MYO10: variants seen among roughly 807,000 people sequenced by gnomAD.
The protein encoded by MYO10 is myosin X, also known as unconventional myosin-X.
In MYO10, 133 loss-of-function variants were observed where a neutral mutation model predicts 257.3. The observed-to-expected ratio is 0.52, with a 90% CI of 0.45 to 0.60. The LOEUF (loss-of-function observed/expected upper bound fraction) is 0.60. MYO10 is among the 20% of genes least tolerant of loss of function. The probability of loss-of-function intolerance (pLI) is 0.00; values close to 1 mark genes in which losing one functional copy is unlikely to be tolerated. For synonymous variants in MYO10, 1,104 were observed against 1,028.6 expected (o/e 1.07, Z -1.40); for missense variants, 2,399 against 2,635.7 (o/e 0.91, Z 1.97).
In MYO10 at chr5:16,672,838, C is replaced by G; in HGVS notation, c.5173-13G>C. The G allele has an allele frequency of 1.1e-5, 18 of 1,611,080 alleles. No homozygotes were observed. The highest frequency in any genetic ancestry group is 1.5e-5 in the Non-Finnish European group (18 of 1,178,584). On this transcript the variant is annotated splice_polypyrimidine_tract_variant and intron_variant, in intron 36 of 40. Coordinates refer to ENST00000513610, the MANE Select transcript of MYO10 (RefSeq NM_012334.3). ...GCTTCTCCACCACCTGGAAGACACACCAGGGGGACTTCAGTTCCACAGGCT... is the reference window on the plus strand; with the variant it reads ...GCTTCTCCACCACCTGGAAGACACAGCAGGGGGACTTCAGTTCCACAGGCT...
Position 16,764,683 on chromosome 5 carries a change from G to GTTT in MYO10, c.1180-290_1180-288dup, listed in dbSNP as rs113477351. The stretch of plus-strand genomic sequence containing the variant: ...TATATACAGGTACAAATGTTACCAG[G>GTTT]TTTTTTTTGTTTTTTGTTTTTTTGA... On this transcript the variant is annotated intron_variant, in intron 11 of 40. Transcript: ENST00000513610. 5.9e-5 allele frequency among the ~76,000 whole-genome samples: 9 copies of GTTT among 151,890 alleles called. 1 individual carries two copies. Among genetic ancestry groups the GTTT allele is most frequent in the South Asian group, 2.1e-4 (1 of 4,800 alleles).
rs77187024 is a variant in MYO10, at chr5:16,749,184, T to C, written c.1929+5644A>G. 6.3e-3 allele frequency among the ~76,000 whole-genome samples: 958 copies of C among 152,232 alleles called. 4 individuals are homozygous for C. The highest frequency in any genetic ancestry group is 0.01 in the Non-Finnish European group (685 of 68,000). ...TTCAGCCTCCCCCAGCACAGGCATC[T>C]TTCCCTTCTTCCCTTCCGTAAACCT... On this transcript the variant is annotated intron_variant, in intron 19 of 40. Transcript: ENST00000513610.
intron 3 of MYO10, among the ~76,000 whole-genome samples, chr5:16,813,724 G>A (rs73756292): frequency 0.017 from 2,606 of 152,216 alleles, 71 homozygotes; most frequent in African/African-American, 0.059. Flanking sequence ...GCCTGAGATG[G>A]GGAGATCATC....
At chr5:16,738,841 G>T (rs998685831) in intron 19 of MYO10, among the ~76,000 whole-genome samples, 5 of 146,152 alleles carry the variant, frequency 3.4e-5, no homozygotes, top group Admixed American at 2.8e-4. Context: ...CAGTGGGCCA[G>T]GTTTGCACCA....
At chr5:16,877,274 A>G (rs1744629523) in intron 2 of MYO10, among the ~76,000 whole-genome samples, 1 of 152,222 alleles carries the variant, frequency 6.6e-6, no homozygotes, top group Non-Finnish European at 1.5e-5. Context: ...ATATACTTGA[A>G]CTTTTGCTCA....
At chr5:16,672,644 T>C (rs1490897551) in intron 37 of MYO10, 45 bp downstream of exon 37, 4 of 1,610,024 alleles carry the variant, frequency 2.5e-6, no homozygotes, top group Admixed American at 3.3e-5. Flanking sequence ...TGCTCTGCAA[T>C]TTCTCTTATT....
At chr5:16,883,959 CG>C (rs1393398650) in intron 1 of MYO10, among the ~76,000 whole-genome samples, 4 of 152,194 alleles carry the variant, frequency 2.6e-5, no homozygotes, top group African/African-American at 9.6e-5. Flanking sequence ...GTCTCAGCCC[CG>C]GAACAGGGCA....
intron 2 of MYO10, among the ~76,000 whole-genome samples, chr5:16,856,223 C>T (rs76773319): frequency 0.012 from 1,847 of 152,266 alleles, 34 homozygotes; most frequent in Middle Eastern, 0.034. Flanking sequence ...TTAACAAGTT[C>T]AGGAAAATGT....
intron 3 of MYO10, chr5:16,815,148 G>A: frequency 3.5e-6 from 1 of 289,490 alleles, no homozygotes; most frequent in Non-Finnish European, 6.1e-6. Context: ...GGGCAACATA[G>A]CAAGACACTA....
At position 16,676,031 on chromosome 5, in the gene MYO10, A is replaced by G; in HGVS notation, c.4666T>C (p.Leu1556=). 1 of 1,606,978 alleles carries G rather than the reference A, an allele frequency of 6.2e-7. No individual in the cohort carries two copies. Among genetic ancestry groups the G allele is most frequent in the Admixed American group, 1.7e-5 (1 of 58,224 alleles). ...PLPYGDINLN[L]LKDKGYTTLQ... Reference sequence around the variant, plus strand: ...AGTCGGGGTGGAGCTCTGGACTTACAGTTGAGATTTATGTCCCCATACGGA... The same window carrying G: ...AGTCGGGGTGGAGCTCTGGACTTACGGTTGAGATTTATGTCCCCATACGGA... The change falls in exon 34 of 41, where the codon TTG becomes CTG. Residue 1556 remains leucine (L), a splice_region_variant and synonymous_variant. Transcript: ENST00000513610.
chr5:16,764,333 TG>T lies in MYO10; in HGVS notation c.1242del (p.Lys415ArgfsTer37). On this transcript the variant is annotated frameshift_variant, in exon 12 of 41. Transcript: ENST00000513610. LOFTEE classifies it high-confidence loss of function. The part of the protein sequence containing the change: ...ALYACCFEWV[I>X]KKINSRIKGN... ...CCTTTGATCCTGCTGTTGATCTTCT[TG>T]ATTACCCACTCAAAGCAGCACGCAT... The T allele has an allele frequency of 6.2e-7, 1 of 1,613,910 alleles. No individual in the cohort carries two copies. Among genetic ancestry groups the T allele is most frequent in the East Asian group, 2.2e-5 (1 of 44,866 alleles).
At chr5:16,747,935 AAAAAAAAAAAAG>A (rs1740253062) in intron 19 of MYO10, among the ~76,000 whole-genome samples, 7 of 123,150 alleles carry the variant, frequency 5.7e-5, no homozygotes, top group Admixed American at 7.2e-5. Flanking sequence ...AAAAAAAAAA[AAAAAAAAAAAAG>A]AAAAAAAAAA....
At chr5:16,863,243 A>G (rs1744155220) in intron 2 of MYO10, among the ~76,000 whole-genome samples, 1 of 152,252 alleles carries the variant, frequency 6.6e-6, no homozygotes, top group African/African-American at 2.4e-5. Flanking sequence ...TCGCTGGGCC[A>G]GTAAATAGTC....
intron 1 of MYO10, among the ~76,000 whole-genome samples, chr5:16,878,397 G>T (rs1486612299): frequency 2.0e-5 from 3 of 152,150 alleles, no homozygotes; most frequent in African/African-American, 7.2e-5. Context: ...CAAAGTTCAG[G>T]ATTGTATCTT....
Position 16,663,461 on chromosome 5 carries a change from GCCT to G in MYO10, c.*3228_*3230del, listed in dbSNP as rs1172318732. ...AAGTGATAAAATACTTTATGCTGGT[GCCT>G]CCTCAGTAACAGACATTCAAAACTA... On this transcript the variant is annotated 3_prime_UTR_variant, in exon 41 of 41. Transcript: ENST00000513610. 6.7e-6 allele frequency: 1 copy of G among 148,796 alleles called. No homozygotes were observed. Among genetic ancestry groups the G allele is most frequent in the Admixed American group, 6.9e-5 (1 of 14,572 alleles). 9.2% of individuals were successfully genotyped at this position (148,796 alleles called of 1,614,324 possible).
intron 6 of MYO10, among the ~76,000 whole-genome samples, chr5:16,781,377 G>A (rs2126669320): frequency 6.6e-6 from 1 of 152,230 alleles, no homozygotes; most frequent in Non-Finnish European, 1.5e-5. Flanking sequence ...ACTGCGCCTG[G>A]CCGCACAGAA....
chr5:16,724,269 G>A (rs934806272), intron 19 of MYO10, among the ~76,000 whole-genome samples: 1 of 152,168 alleles, frequency 6.6e-6, no homozygotes, highest in African/African-American at 2.4e-5. Flanking sequence ...TTCCCCAGGG[G>A]TATGGAGTCA....
chr5:16,779,841 T>TA (rs1376105021), intron 8 of MYO10, among the ~76,000 whole-genome samples, 193 bp from the exon 9 acceptor site: 1 of 152,212 alleles, frequency 6.6e-6, no homozygotes, highest in African/African-American at 2.4e-5. Context: ...TGAGATTATT[T>TA]AAAAAATGTT....
chr5:16,808,270 C>A (rs927304643), intron 3 of MYO10, among the ~76,000 whole-genome samples: 4 of 152,044 alleles, frequency 2.6e-5, no homozygotes, highest in African/African-American at 9.7e-5. Context: ...TGAGACCAAC[C>A]TGAGCAACAC....
Sources: gnomAD v4.1 joint callset for allele counts (sites outside exome capture counted in the v4.1 genomes callset) on GRCh38, gnomAD v4.1.1 for gene constraint, MANE v1.5 for transcripts, NCBI Gene and HGNC (gene_info 2026-07-23, HGNC 2026-07-21) for gene names.